IGSF6: variants seen among roughly 807,000 people sequenced by gnomAD.
IGSF6 encodes immunoglobulin superfamily member 6, also known as down-regulated by activation (immunoglobulin superfamily).
In IGSF6, 23 loss-of-function variants were observed where a neutral mutation model predicts 24.7. The observed-to-expected ratio is 0.93, with a 90% CI of 0.67 to 1.32. The LOEUF (loss-of-function observed/expected upper bound fraction) is 1.32. IGSF6 is among the 40% of genes most tolerant of loss of function. The probability of loss-of-function intolerance (pLI) is 0.00; values close to 1 mark genes in which losing one functional copy is unlikely to be tolerated. For missense variants in IGSF6, 295 were observed against 293.6 expected (o/e 1.00, Z -0.04); for synonymous variants, 110 against 113.7 (o/e 0.97, Z 0.21).
intron 2 of IGSF6, 113 bp from the exon 3 acceptor site, chr16:21,644,509 G>T: frequency 2.9e-6 from 2 of 687,360 alleles, no homozygotes; most frequent in Non-Finnish European, 5.0e-6. Context: ...AACTTACTCT[G>T]CTTGCCTATT....
chr16:21,650,525 A>AT (rs1966543512), intron 1 of IGSF6, among the ~76,000 whole-genome samples: 1 of 151,758 alleles, frequency 6.6e-6, no homozygotes, highest in Non-Finnish European at 1.5e-5. Context: ...AAAAAAAAAA[A>AT]AAATAGAGGT....
At chr16:21,645,113 A>C (rs1966389958) in intron 2 of IGSF6, among the ~76,000 whole-genome samples, 1 of 152,248 alleles carries the variant, frequency 6.6e-6, no homozygotes, top group East Asian at 1.9e-4. Flanking sequence ...AAATACAATT[A>C]GATTTGTACT....
chr16:21,640,778 A>AG lies in IGSF6; in HGVS notation c.*755_*756insC, dbSNP rs1235166413. 1.3e-5 allele frequency: 2 copies of AG among 150,936 alleles called. No individual in the cohort carries two copies. The highest frequency in any genetic ancestry group is 4.9e-5 in the African/African-American group (2 of 41,170). 9.3% of individuals were successfully genotyped at this position (150,936 alleles called of 1,614,324 possible). On this transcript the variant is annotated 3_prime_UTR_variant, in exon 6 of 6. Coordinates refer to ENST00000268389, the MANE Select transcript of IGSF6 (RefSeq NM_005849.4). Reference sequence around the variant, plus strand: ...CGAGACTCTGTCTCAAAAAAAAAAAAAAAAGAAAAGAAAAAAAATCAGTAT... The same window carrying AG: ...CGAGACTCTGTCTCAAAAAAAAAAAAGAAAAGAAAAGAAAAAAAATCAGTAT...
Position 21,641,461 on chromosome 16 carries a change from A to T in IGSF6, c.*73T>A. 1 of 772,806 alleles carries T rather than the reference A, an allele frequency of 1.3e-6. No homozygotes were observed. The highest frequency in any genetic ancestry group is 2.1e-6 in the Non-Finnish European group (1 of 469,134). The allele number at this position is 772,806 out of a possible 1,614,324, so 47.9% of individuals were successfully genotyped here. On this transcript the variant is annotated 3_prime_UTR_variant, in exon 6 of 6. Transcript: ENST00000268389. ...CTTTATTTTTTTTTAAGACCTGATG[A>T]TATATGTTCATTAACACTGCCATAG... is the stretch of plus-strand genomic sequence containing the variant.
At chr16:21,642,881 T>C (rs1966311199) in intron 5 of IGSF6, among the ~76,000 whole-genome samples, 193 bp downstream of exon 5, 1 of 152,322 alleles carries the variant, frequency 6.6e-6, no homozygotes, top group South Asian at 2.1e-4. Flanking sequence ...CCTGGGGCTA[T>C]TTAATATTGT....
chr16:21,647,714 C>T (rs975582091), intron 1 of IGSF6, among the ~76,000 whole-genome samples: 22 of 152,106 alleles, frequency 1.4e-4, no homozygotes, highest in African/African-American at 5.3e-4. Context: ...CACTGGAGGC[C>T]AGCCCTAGAG....
intron 4 of IGSF6, 94 bp from the exon 5 acceptor site, chr16:21,643,248 G>A: frequency 3.2e-6 from 3 of 933,836 alleles, no homozygotes; most frequent in Admixed American, 1.9e-5. Context: ...TATTGCCACC[G>A]GTCCCAAAAA....
rs766260469 is a variant in IGSF6 at position 21,647,482 on chromosome 16, G to A, written c.78C>T (p.Gly26=). The change falls in exon 2 of 6, where the codon GGC becomes GGT. Residue 26 remains glycine, a synonymous_variant. Transcript: ENST00000268389. ...GTTGTGTGACAGAGAGAGTACAGGC[G>A]CCCACAGCACCTGTGGGAGGAAGCA... ...NLILFCVGAV[G]ACTLSVTQPW... 40 of 1,610,230 alleles carry A rather than the reference G, an allele frequency of 2.5e-5. No individual in the cohort carries two copies. Among genetic ancestry groups the A allele is most frequent in the Admixed American group, 3.3e-5 (2 of 59,920 alleles).
chr16:21,652,504 T>C, intron 1 of IGSF6, 28 bp downstream of exon 1: 4 of 1,567,742 alleles, frequency 2.6e-6, no homozygotes, highest in Non-Finnish European at 3.5e-6. Context: ...TTAAATAAAA[T>C]GAAGGAGGAG....
chr16:21,646,445 T>C (rs1178417293), intron 2 of IGSF6: 1 of 153,316 alleles, frequency 6.5e-6, no homozygotes, highest in African/African-American at 2.4e-5. Flanking sequence ...TCTCTAGTGC[T>C]TTGTTCTAGG....
intron 2 of IGSF6, among the ~76,000 whole-genome samples, chr16:21,644,787 G>T (rs1281746816): frequency 6.6e-6 from 1 of 152,130 alleles, no homozygotes; most frequent in Non-Finnish European, 1.5e-5. Context: ...CTGCCTATGT[G>T]GTTAAGATAT....
chr16:21,648,363 G>A (rs1195633139), intron 1 of IGSF6, among the ~76,000 whole-genome samples: 2 of 152,184 alleles, frequency 1.3e-5, no homozygotes, highest in Non-Finnish European at 2.9e-5. Context: ...TGCAGTTAGT[G>A]TGACGTTCAA....
intron 1 of IGSF6, among the ~76,000 whole-genome samples, chr16:21,650,323 A>G (rs935165745): frequency 1.3e-5 from 2 of 152,074 alleles, no homozygotes; most frequent in Admixed American, 6.5e-5. Context: ...CCTGGCCAAC[A>G]TGGTAAAACC....
At chr16:21,651,936 T>C (rs1966587271) in intron 1 of IGSF6, 2 of 152,164 alleles carry the variant, frequency 1.3e-5, no homozygotes, top group Non-Finnish European at 2.9e-5. Context: ...CATTAACATT[T>C]TGATATATTT....
At chr16:21,643,951 T>G (rs1966348691) in intron 3 of IGSF6, among the ~76,000 whole-genome samples, 1 of 152,176 alleles carries the variant, frequency 6.6e-6, no homozygotes, top group Non-Finnish European at 1.5e-5. Flanking sequence ...TCTTAAGGCT[T>G]TCGTAGATAA....
At position 21,647,181 on chromosome 16, in the gene IGSF6, C is replaced by G; in HGVS notation, c.379G>C (p.Glu127Gln). The change falls in exon 2 of 6, where the codon GAA becomes CAA. Residue 127 changes from glutamate to glutamine, a missense_variant. Physicochemically the swap from Glu to Gln is conservative, Grantham distance 29. Coordinates refer to ENST00000268389, the MANE Select transcript of IGSF6 (RefSeq NM_005849.4). ...ICGIAFPSVP[E>Q]ARAKQTGGGT... is the part of the protein sequence containing the mutation. ...CCTCCTGTCTGTTTAGCTCTCGCTT[C>G]CGGCACACTGGGGAATGCTATTCCA... 6.2e-7 allele frequency: 1 copy of G among 1,614,166 alleles called. No homozygotes were observed. Among genetic ancestry groups the G allele is most frequent in the Non-Finnish European group, 8.5e-7 (1 of 1,180,008 alleles).
intron 2 of IGSF6, among the ~76,000 whole-genome samples, chr16:21,645,229 G>A (rs891423430): frequency 6.6e-6 from 1 of 152,190 alleles, no homozygotes; most frequent in African/African-American, 2.4e-5. Flanking sequence ...GAGGTGGGCA[G>A]ATCACTTGAG....
At chr16:21,647,057 C>T in intron 2 of IGSF6, 76 bp downstream of exon 2, 20 of 1,586,408 alleles carry the variant, frequency 1.3e-5, no homozygotes, top group Non-Finnish European at 1.6e-5. Flanking sequence ...CTGATTTCTA[C>T]ATGTGAGTGA....
intron 1 of IGSF6, among the ~76,000 whole-genome samples, chr16:21,649,236 G>A (rs1423145290): frequency 6.6e-6 from 1 of 152,108 alleles, no homozygotes; most frequent in Non-Finnish European, 1.5e-5. Context: ...CAAGCGACCC[G>A]CTTGCCTCGG....
Sources: gnomAD v4.1 joint callset for allele counts (sites outside exome capture counted in the v4.1 genomes callset) on GRCh38, gnomAD v4.1.1 for gene constraint, MANE v1.5 for transcripts, NCBI Gene and HGNC (gene_info 2026-07-23, HGNC 2026-07-21) for gene names.